Variants in SLC7A8 observed in about 807,000 individuals in gnomAD.
SLC7A8 encodes solute carrier family 7 member 8.
Under a neutral mutation model 51.2 loss-of-function variants are expected in SLC7A8, and 30 were observed. That is an observed-to-expected ratio of 0.59 (90% confidence interval 0.44 to 0.80). The LOEUF (loss-of-function observed/expected upper bound fraction) is 0.80. Ranked by LOEUF, SLC7A8 falls within the 30% of genes least tolerant of loss-of-function variation. The pLI, the probability that SLC7A8 is intolerant of heterozygous loss-of-function variation, is 0.00. For missense variants in SLC7A8, 612 were observed against 674.4 expected, an observed-to-expected ratio of 0.91 and a Z score of 1.03; for synonymous variants, 257 against 275.8, an observed-to-expected ratio of 0.93 and a Z score of 0.67.
intron 3 of SLC7A8, among the ~76,000 whole-genome samples, chr14:23,148,038 A>T (rs1279472054): frequency 2.0e-5 from 3 of 152,172 alleles, no homozygotes; most frequent in Non-Finnish European, 4.4e-5. Context: ...CTCTGATCCC[A>T]GACTTTGATC....
intron 1 of SLC7A8, among the ~76,000 whole-genome samples, chr14:23,179,293 T>G (rs1275451213): frequency 6.6e-6 from 1 of 152,192 alleles, no homozygotes; most frequent in Non-Finnish European, 1.5e-5. Context: ...CATCTCATCC[T>G]CCCAATCAGG....
chr14:23,166,284 A>G (rs2048949574), intron 2 of SLC7A8, 52 bp downstream of exon 2: 1 of 1,588,538 alleles, frequency 6.3e-7, no homozygotes, highest in Non-Finnish European at 8.6e-7. Context: ...CTCCTTCTGA[A>G]TGTCTTCCTC....
intron 1 of SLC7A8, among the ~76,000 whole-genome samples, chr14:23,172,060 T>C (rs1277895086): frequency 2.0e-5 from 3 of 152,358 alleles, no homozygotes; most frequent in Non-Finnish European, 4.4e-5. Context: ...AAAATCAGTC[T>C]CTTCATCTGC....
intron 1 of SLC7A8, among the ~76,000 whole-genome samples, chr14:23,169,778 G>T (rs139392297): frequency 6.6e-6 from 1 of 152,156 alleles, no homozygotes; most frequent in East Asian, 1.9e-4. Flanking sequence ...GAAAAATGAC[G>T]GTATTATTAT....
At chr14:23,163,596 A>G (rs545281112) in intron 3 of SLC7A8, among the ~76,000 whole-genome samples, 109 of 152,136 alleles carry the variant, frequency 7.2e-4, no homozygotes, top group Admixed American at 1.9e-3. Flanking sequence ...TGGGTGAGTG[A>G]TCTCTTCCTC....
intron 1 of SLC7A8, 83 bp from the exon 2 acceptor site, chr14:23,166,623 T>A: frequency 7.2e-7 from 1 of 1,393,432 alleles, no homozygotes; most frequent in African/African-American, 1.4e-5. Context: ...GTGGTCTCAT[T>A]TCTGATCTGA....
At chr14:23,164,587 C>T (rs1407987032) in intron 3 of SLC7A8, among the ~76,000 whole-genome samples, 1 of 150,888 alleles carries the variant, frequency 6.6e-6, no homozygotes, top group Non-Finnish European at 1.5e-5. Flanking sequence ...ATAGTGCCTC[C>T]AAGGAGCTAC....
chr14:23,181,005 C>A (rs898678895), intron 1 of SLC7A8, among the ~76,000 whole-genome samples: 1 of 151,822 alleles, frequency 6.6e-6, no homozygotes, highest in African/African-American at 2.4e-5. Flanking sequence ...CCAGCCTGGG[C>A]CACAGAGCGA....
chr14:23,158,566 G>C (rs1008568890), intron 3 of SLC7A8, among the ~76,000 whole-genome samples: 1 of 152,148 alleles, frequency 6.6e-6, no homozygotes, highest in Non-Finnish European at 1.5e-5. Flanking sequence ...GGCTGGTCTC[G>C]AACTCCTGAC....
intron 1 of SLC7A8, among the ~76,000 whole-genome samples, chr14:23,167,984 G>A (rs2048958418): frequency 6.6e-6 from 1 of 152,164 alleles, no homozygotes; most frequent in South Asian, 2.1e-4. Flanking sequence ...GCTGAAGTTA[G>A]ATGCAGAGGA....
At chr14:23,155,455 C>T in intron 3 of SLC7A8, 2 of 1,431,486 alleles carry the variant, frequency 1.4e-6, no homozygotes, top group Non-Finnish European at 9.1e-7. Flanking sequence ...TGCTGAATCA[C>T]CACCCAGTAT....
Position 23,126,982 on chromosome 14 carries a change from G to C in SLC7A8, c.*195C>G, listed in dbSNP as rs1286046401. ...AGTGGGGCCTGGGACATGGACCCTG[G>C]GGTGAGAGGCTGGTTCTTTGGGTAT... On this transcript the variant is annotated 3_prime_UTR_variant, in exon 11 of 11. Transcript: ENST00000316902. 1.5e-6 allele frequency: 1 copy of C among 659,044 alleles called. No homozygotes were observed. Among genetic ancestry groups the C allele is most frequent in the African/African-American group, 1.8e-5 (1 of 55,132 alleles). The allele number at this position is 659,044 out of a possible 1,614,324, so 40.8% of individuals were successfully genotyped here. A position where few individuals can be genotyped will look rare whatever the true frequency, so the allele number is the denominator to read the frequency against.
intron 1 of SLC7A8, among the ~76,000 whole-genome samples, chr14:23,172,865 G>A (rs1300314736): frequency 1.3e-5 from 2 of 152,034 alleles, no homozygotes; most frequent in Non-Finnish European, 2.9e-5. Flanking sequence ...CCTCAGCACT[G>A]TTACTTTTGG....
chr14:23,145,070 G>A (rs1346414031), intron 3 of SLC7A8, among the ~76,000 whole-genome samples: 3 of 151,036 alleles, frequency 2.0e-5, no homozygotes, highest in Non-Finnish European at 4.4e-5. Flanking sequence ...ACAGGCGCCC[G>A]CCACCACACC....
intron 3 of SLC7A8, among the ~76,000 whole-genome samples, chr14:23,144,509 A>G (rs1454214784): frequency 6.6e-6 from 1 of 152,146 alleles, no homozygotes; most frequent in Non-Finnish European, 1.5e-5. Flanking sequence ...ATTCTCTACA[A>G]AAAATTTTAA....
rs189840672 is a variant in SLC7A8 at position 23,163,124 on chromosome 14, A to G, written c.508+2161T>C. Among the ~76,000 whole-genome samples, 66 of 152,236 alleles carry G rather than the reference A, an allele frequency of 4.3e-4. 2 individuals are homozygous for G. Among genetic ancestry groups the G allele is most frequent in the African/African-American group, 1.5e-3 (63 of 41,536 alleles). On this transcript the variant is annotated intron_variant, in intron 3 of 10. Transcript: ENST00000316902. ...CATCTCAACTCTGGATCCAGCTAGG[A>G]TGCAAGGATAAAGTGGCCCCAGCAT... is the stretch of plus-strand genomic sequence containing the variant.
intron 1 of SLC7A8, among the ~76,000 whole-genome samples, chr14:23,175,416 C>T (rs7141211): frequency 0.033 from 5,044 of 152,230 alleles, 323 homozygotes; most frequent in African/African-American, 0.12. Flanking sequence ...ACCATGTTGG[C>T]CAGGCTGGTC....
chr14:23,127,026 A>T lies in SLC7A8; in HGVS notation c.*151T>A. 1 of 941,092 alleles carries T rather than the reference A, an allele frequency of 1.1e-6. No individual in the cohort carries two copies. Among genetic ancestry groups the T allele is most frequent in the Non-Finnish European group, 1.6e-6 (1 of 633,514 alleles). 58.3% of individuals were successfully genotyped at this position (941,092 alleles called of 1,614,324 possible). A position where few individuals can be genotyped will look rare whatever the true frequency, so the allele number is the denominator to read the frequency against. On this transcript the variant is annotated 3_prime_UTR_variant, in exon 11 of 11. Coordinates refer to ENST00000316902, the MANE Select transcript of SLC7A8 (RefSeq NM_012244.4). ...TGGGTATGAATGTCAGTTTTTGTTT[A>T]CAATTTCTCACCACCCACACCAAAG...
chr14:23,148,074 T>G lies in SLC7A8; in HGVS notation c.509-4870A>C, dbSNP rs530156260. Among the ~76,000 whole-genome samples the G allele has an allele frequency of 3.3e-5, 5 of 150,968 alleles. No individual in the cohort carries two copies. In the South Asian group the frequency reaches 1.0e-3, roughly 32 times the overall value. ...TCCAGGAATTACAGAAGTCTCTCCT[T>G]CACTTCCTCCCCTTGGCAATGACAG... On this transcript the variant is annotated intron_variant, in intron 3 of 10. Coordinates refer to ENST00000316902, the MANE Select transcript of SLC7A8 (RefSeq NM_012244.4).
Sources: gnomAD v4.1 joint callset for allele counts (sites outside exome capture counted in the v4.1 genomes callset) on GRCh38, gnomAD v4.1.1 for gene constraint, MANE v1.5 for transcripts, NCBI Gene and HGNC (gene_info 2026-07-23, HGNC 2026-07-21) for gene names.